Variants in RAB27A observed in about 807,000 individuals in gnomAD.
RAB27A encodes RAB27A, member RAS oncogene family.
In RAB27A, 17 loss-of-function variants were observed where a neutral mutation model predicts 20.8. The observed-to-expected ratio is 0.82, with a 90% CI of 0.56 to 1.23. The LOEUF (loss-of-function observed/expected upper bound fraction) is 1.23, where lower values mean the gene tolerates loss of function less well. Among genes scored for constraint, RAB27A ranks in the 50% most tolerant of loss-of-function variants. RAB27A has a pLI of 0.00. For synonymous variants in RAB27A, 85 were observed against 92.8 expected (o/e 0.92, Z 0.48); for missense variants, 277 against 266.7 (o/e 1.04, Z -0.27).
intron 1 of RAB27A, among the ~76,000 whole-genome samples, chr15:55,273,645 A>C (rs1425619627): frequency 6.6e-6 from 1 of 152,110 alleles, no homozygotes; most frequent in Middle Eastern, 3.2e-3. Context: ...GTCCCAAGAG[A>C]CTAAGAAGGT....
intron 6 of RAB27A, chr15:55,206,295 T>C (rs1226677689): frequency 5.3e-6 from 4 of 753,898 alleles, no homozygotes; most frequent in Non-Finnish European, 6.5e-6. Flanking sequence ...TATAAAAAGA[T>C]ATAAGTAGGG....
At chr15:55,228,521 C>T (rs754656449) in intron 5 of RAB27A, 88 bp downstream of exon 5, 73 of 1,044,038 alleles carry the variant, frequency 7.0e-5, no homozygotes, top group Middle Eastern at 2.0e-4. Flanking sequence ...TCCTCCAAAA[C>T]GATTTGTCAC....
intron 2 of RAB27A, among the ~76,000 whole-genome samples, chr15:55,262,312 T>A (rs576235254): frequency 2.0e-5 from 3 of 152,102 alleles, no homozygotes; most frequent in East Asian, 2.0e-4. Context: ...GAGGCCAAGG[T>A]GGGCGAATCA....
chr15:55,296,503 CAAA>C (rs1566939452), intron 2 of RAB27A, among the ~76,000 whole-genome samples: 2 of 151,280 alleles, frequency 1.3e-5, no homozygotes, highest in Admixed American at 1.3e-4. Context: ...GACTCCATCT[CAAA>C]AACAAAAAAA....
rs142212580 is a variant in RAB27A at position 55,234,788 on chromosome 15, T to C, written c.147A>G (p.Lys49=). Residue 49 remains lysine, a synonymous_variant, in exon 3 of 7, where the codon AAA becomes AAG. Coordinates refer to ENST00000336787, the MANE Select transcript of RAB27A (RefSeq NM_183235.3). ...ITTVGIDFRE[K]RVVYRASGPD... is the part of the protein sequence containing the mutation. ...AGAAGGATATAGAACTTACCACTCT[T>C]TTTTCCCTGAAATCAATGCCCACTG... 21 of 1,610,392 alleles carry C rather than the reference T, an allele frequency of 1.3e-5. No homozygotes were observed. The African/African-American group carries it at 2.7e-4, about 20-fold the overall frequency.
At chr15:55,306,256 GAAGTTGTTC>G (rs1201360282) in intron 2 of RAB27A, among the ~76,000 whole-genome samples, 2 of 152,180 alleles carry the variant, frequency 1.3e-5, no homozygotes, top group Admixed American at 1.3e-4. Context: ...TTTATGTGTT[GAAGTTGTTC>G]CCTTGTTCAG....
At position 55,311,828 on chromosome 15, in the gene RAB27A, T is replaced by C. The variant is rs367787007; in HGVS notation, c.-112+2211A>G. Among the ~76,000 whole-genome samples, 11 of 152,234 alleles carry C rather than the reference T, an allele frequency of 7.2e-5. No homozygotes were observed. The South Asian group carries it at 1.0e-3, about 14-fold the overall frequency. ...ATACATCTCAGGGGCGTTTCTGCCT[T>C]GGGGGGAACGTTTCCCATTGCTTTG... On this transcript the variant is annotated intron_variant, in intron 2 of 5. Transcript: ENST00000563262.
chr15:55,230,471 C>A lies in RAB27A; in HGVS notation c.169G>T (p.Gly57Trp). The A allele has an allele frequency of 6.2e-7, 1 of 1,613,654 alleles. No individual in the cohort carries two copies. Among genetic ancestry groups the A allele is most frequent in the Non-Finnish European group, 8.5e-7 (1 of 1,179,658 alleles). Reference protein sequence around the residue: ...REKRVVYRASGPDGATGRGQR... With the variant: ...REKRVVYRASWPDGATGRGQR... ...CCTCTGCCAGTGGCTCCATCCGGCC[C>A]ACTGGCTCTGTACACCTAAAACAGC... Residue 57 changes from glycine to tryptophan, a missense_variant, in exon 4 of 7, where the codon GGG (glycine) becomes TGG (tryptophan). Physicochemically the swap from Gly to Trp is radical, Grantham distance 184. Coordinates refer to ENST00000336787, the MANE Select transcript of RAB27A (RefSeq NM_183235.3).
chr15:55,281,777 GA>G (rs376179135), intron 1 of RAB27A, among the ~76,000 whole-genome samples: 4,634 of 149,192 alleles, frequency 0.031, 83 homozygotes, highest in Non-Finnish European at 0.042. Context: ...AAAAGAGAAG[GA>G]AAAAAAAAGA....
intron 1 of RAB27A, among the ~76,000 whole-genome samples, chr15:55,279,330 G>A (rs942749739): frequency 1.3e-5 from 2 of 152,174 alleles, no homozygotes; most frequent in Non-Finnish European, 2.9e-5. Flanking sequence ...ATGGATCCAG[G>A]ACTGGCAGCA....
chr15:55,292,926 AG>A (rs1252135800), upstream of RAB27A, among the ~76,000 whole-genome samples: 6 of 152,246 alleles, frequency 3.9e-5, no homozygotes, highest in East Asian at 9.6e-4. Flanking sequence ...AAGTTCAAAA[AG>A]GAATCCAAAA....
intron 2 of RAB27A, among the ~76,000 whole-genome samples, chr15:55,256,659 C>T (rs1897090914): frequency 6.6e-6 from 1 of 152,160 alleles, no homozygotes; most frequent in Non-Finnish European, 1.5e-5. Context: ...TGGCTGTAAA[C>T]TCAAAGGAAT....
intron 2 of RAB27A, among the ~76,000 whole-genome samples, chr15:55,258,855 C>T (rs562078509): frequency 1.3e-5 from 2 of 152,282 alleles, no homozygotes; most frequent in South Asian, 2.1e-4. Flanking sequence ...GACAGAGTCT[C>T]GCTCCGTTGC....
intron 2 of RAB27A, among the ~76,000 whole-genome samples, chr15:55,262,030 C>T (rs1897286956): frequency 6.7e-6 from 1 of 149,204 alleles, no homozygotes; most frequent in African/African-American, 2.5e-5. Context: ...GGGCGAGACT[C>T]CATCCCAAAA....
At chr15:55,236,142 G>C (rs1595701389) in intron 2 of RAB27A, among the ~76,000 whole-genome samples, 1 of 148,132 alleles carries the variant, frequency 6.8e-6, no homozygotes, top group South Asian at 2.1e-4. Context: ...AACACCACCT[G>C]TTCCCCAAAA....
At position 55,210,614 on chromosome 15, in the gene RAB27A, ATTAT is replaced by A. The variant is rs532336640; in HGVS notation, c.468-4913_468-4910del. ...GATCTTTTGCCTATTTTTAAAACAG[ATTAT>A]TTGTTTTTGCTATTGAGTTATTTGA... On this transcript the variant is annotated intron_variant, in intron 6 of 6. Transcript: ENST00000336787. Among the ~76,000 whole-genome samples, 291 of 152,006 alleles carry A rather than the reference ATTAT, an allele frequency of 1.9e-3. 1 individual carries two copies. The highest frequency in any genetic ancestry group is 6.7e-3 in the African/African-American group (279 of 41,460).
chr15:55,241,014 G>C (rs1326629542), intron 2 of RAB27A, among the ~76,000 whole-genome samples: 1 of 152,182 alleles, frequency 6.6e-6, no homozygotes, highest in Admixed American at 6.6e-5. Flanking sequence ...ACAAAGTTTG[G>C]AACAGTGCAC....
intron 2 of RAB27A, among the ~76,000 whole-genome samples, chr15:55,249,364 T>G (rs1896804882): frequency 6.6e-6 from 1 of 152,066 alleles, no homozygotes; most frequent in Admixed American, 6.5e-5. Context: ...AGCCTTGACC[T>G]CCCCAGCTTA....
chr15:55,219,172 G>A (rs1002307328), intron 6 of RAB27A, among the ~76,000 whole-genome samples: 2 of 152,218 alleles, frequency 1.3e-5, no homozygotes, highest in African/African-American at 4.8e-5. Flanking sequence ...TTTAGTCACA[G>A]AGTGAAGCCC....
Sources: allele counts gnomAD v4.1 joint callset (sites outside exome capture counted in the v4.1 genomes callset), GRCh38; gene constraint gnomAD v4.1.1; transcripts MANE v1.5; gene names NCBI Gene and HGNC (gene_info 2026-07-23, HGNC 2026-07-21).